Variants in SPHKAP observed in about 807,000 individuals in gnomAD.
SPHKAP encodes the protein SPHK1 interactor, AKAP domain containing.
In SPHKAP, 67 loss-of-function variants were observed where a neutral mutation model predicts 137.5. The ratio of observed to expected loss-of-function variants is 0.49; its 90% confidence interval spans 0.40 to 0.60. SPHKAP has a LOEUF of 0.60. Among genes scored for constraint, SPHKAP ranks in the 20% least tolerant of loss-of-function variants. SPHKAP has a pLI of 0.00. For missense variants in SPHKAP, 2,097 were observed against 2,069.3 expected (o/e 1.01, Z -0.26); for synonymous variants, 813 against 785.3 (o/e 1.04, Z -0.59).
At chr2:228,097,052 GT>G in intron 3 of SPHKAP, among the ~76,000 whole-genome samples, 1 of 152,228 alleles carries the variant, frequency 6.6e-6, no homozygotes, top group East Asian at 1.9e-4. Context: ...AGACAGACAT[GT>G]TAATCCAAAC....
chr2:228,003,271 G>A (rs893427961), intron 7 of SPHKAP, among the ~76,000 whole-genome samples: 2 of 152,162 alleles, frequency 1.3e-5, no homozygotes, highest in African/African-American at 4.8e-5. Flanking sequence ...TCTCCTTGAA[G>A]AGGTCCTTCA....
intron 3 of SPHKAP, among the ~76,000 whole-genome samples, chr2:228,079,224 A>G (rs1203171373): frequency 6.6e-6 from 1 of 152,146 alleles, no homozygotes; most frequent in African/African-American, 2.4e-5. Context: ...GCAGTTCATG[A>G]TAGGGTTTGT....
intron 3 of SPHKAP, among the ~76,000 whole-genome samples, chr2:228,036,940 G>A (rs999161567): frequency 2.0e-5 from 3 of 151,978 alleles, no homozygotes; most frequent in Admixed American, 6.6e-5. Context: ...GCTAAGTGAC[G>A]AGTTAATGGG....
chr2:228,087,347 A>G (rs768103662), intron 3 of SPHKAP, among the ~76,000 whole-genome samples: 6 of 152,228 alleles, frequency 3.9e-5, no homozygotes, highest in Non-Finnish European at 7.3e-5. Context: ...GATAAAGACA[A>G]TATGTTATCT....
At chr2:228,053,465 G>A (rs1040225200) in intron 3 of SPHKAP, among the ~76,000 whole-genome samples, 3 of 152,156 alleles carry the variant, frequency 2.0e-5, no homozygotes, top group African/African-American at 7.2e-5. Context: ...GCCTGGGCAT[G>A]TGTGTTAAAA....
chr2:228,106,197 A>C (rs1574854695), intron 3 of SPHKAP, among the ~76,000 whole-genome samples: 1 of 152,222 alleles, frequency 6.6e-6, no homozygotes, highest in East Asian at 1.9e-4. Context: ...CTCAATAAAA[A>C]TATTATGTGG....
chr2:228,172,489 G>A (rs886301760), intron 1 of SPHKAP, among the ~76,000 whole-genome samples: 2 of 152,138 alleles, frequency 1.3e-5, no homozygotes, highest in Admixed American at 6.6e-5. Flanking sequence ...ATGTTGTTAG[G>A]TAGTGATAAG....
intron 3 of SPHKAP, among the ~76,000 whole-genome samples, chr2:228,097,391 T>C (rs1352443403): frequency 6.6e-6 from 1 of 152,226 alleles, no homozygotes; most frequent in African/African-American, 2.4e-5. Flanking sequence ...AACATTTCAT[T>C]ATATATTTGA....
chr2:228,161,627 C>T (rs762462735), intron 1 of SPHKAP, among the ~76,000 whole-genome samples: 4 of 152,090 alleles, frequency 2.6e-5, no homozygotes, highest in Admixed American at 2.0e-4. Context: ...TTGATAGGTG[C>T]AGCAAACCAC....
intron 3 of SPHKAP, among the ~76,000 whole-genome samples, chr2:228,084,832 T>C (rs1279138772): frequency 6.6e-6 from 1 of 152,216 alleles, no homozygotes; most frequent in Non-Finnish European, 1.5e-5. Context: ...AATGCATCTT[T>C]GCAGACAAAT....
intron 3 of SPHKAP, among the ~76,000 whole-genome samples, chr2:228,103,130 G>A (rs926088196): frequency 1.2e-4 from 19 of 152,136 alleles, no homozygotes; most frequent in African/African-American, 4.3e-4. Context: ...TGGCTGCTGT[G>A]ATGAGTGACT....
At chr2:227,996,391 TCTC>T (rs770455666) in intron 7 of SPHKAP, among the ~76,000 whole-genome samples, 1 of 152,168 alleles carries the variant, frequency 6.6e-6, no homozygotes, top group East Asian at 1.9e-4. Context: ...TCTTGAAGCT[TCTC>T]CTCCCTGGCC....
intron 7 of SPHKAP, among the ~76,000 whole-genome samples, chr2:228,000,347 G>A (rs894836081): frequency 1.3e-5 from 2 of 152,112 alleles, no homozygotes; most frequent in African/African-American, 2.4e-5. Flanking sequence ...GGCCGGGCAC[G>A]GTGGCTCACG....
chr2:227,990,184 T>C (rs1693365199), intron 11 of SPHKAP, among the ~76,000 whole-genome samples: 1 of 152,232 alleles, frequency 6.6e-6, no homozygotes, highest in Non-Finnish European at 1.5e-5. Flanking sequence ...GTCAGGCTAA[T>C]GCCTTAATTT....
chr2:228,090,509 G>A (rs576922340), intron 3 of SPHKAP, among the ~76,000 whole-genome samples: 78 of 152,278 alleles, frequency 5.1e-4, no homozygotes, highest in African/African-American at 1.6e-3. Flanking sequence ...GGAAAGTGAT[G>A]ATTGCATTTT....
At chr2:228,150,192 T>C (rs1699888865) in intron 1 of SPHKAP, among the ~76,000 whole-genome samples, 1 of 152,214 alleles carries the variant, frequency 6.6e-6, no homozygotes, top group African/African-American at 2.4e-5. Context: ...AACAATATTA[T>C]CTTTTTCACA....
At chr2:228,066,295 A>G (rs184610429) in intron 3 of SPHKAP, among the ~76,000 whole-genome samples, 15 of 152,268 alleles carry the variant, frequency 9.9e-5, no homozygotes, top group Admixed American at 9.8e-4. Context: ...TCTACTGTTG[A>G]AATAAGCCTG....
intron 3 of SPHKAP, among the ~76,000 whole-genome samples, chr2:228,030,151 C>T (rs1204079126): frequency 1.3e-5 from 2 of 152,186 alleles, no homozygotes; most frequent in Non-Finnish European, 2.9e-5. Context: ...CTTGCAATAT[C>T]TTCATAGTAG....
At chr2:227,996,747 C>A (rs1002605817) in intron 7 of SPHKAP, among the ~76,000 whole-genome samples, 10 of 152,192 alleles carry the variant, frequency 6.6e-5, no homozygotes, top group Non-Finnish European at 1.5e-4. Flanking sequence ...GGCTTAAAAT[C>A]TTGCAGTCTT....
Sources: gnomAD v4.1 joint callset for allele counts (sites outside exome capture counted in the v4.1 genomes callset) on GRCh38, gnomAD v4.1.1 for gene constraint, MANE v1.5 for transcripts, NCBI Gene and HGNC (gene_info 2026-07-23, HGNC 2026-07-21) for gene names.